Variants in FOXJ3 observed in about 807,000 individuals in gnomAD.
The protein encoded by FOXJ3 is forkhead box protein J3.
FOXJ3 carries 22 observed loss-of-function variants against 76.1 expected under a neutral mutation model. That is an observed-to-expected ratio of 0.29 (90% CI 0.21 to 0.41). The LOEUF (loss-of-function observed/expected upper bound fraction) is 0.41. FOXJ3 is among the 10% of genes least tolerant of loss of function. The pLI, the probability that FOXJ3 is intolerant of heterozygous loss-of-function variation, is 1.00. For synonymous variants in FOXJ3, 269 were observed against 261.2 expected (o/e 1.03, Z -0.29); for missense variants, 613 against 762.1 (o/e 0.80, Z 2.30).
At chr1:42,264,416 A>G (rs1651313427) in intron 4 of FOXJ3, among the ~76,000 whole-genome samples, 1 of 152,172 alleles carries the variant, frequency 6.6e-6, no homozygotes, top group Non-Finnish European at 1.5e-5. Context: ...TTCTTCCAAA[A>G]TCAGTTAGCC....
chr1:42,221,267 C>A (rs1161603195), intron 5 of FOXJ3, among the ~76,000 whole-genome samples: 2 of 152,020 alleles, frequency 1.3e-5, no homozygotes, highest in Non-Finnish European at 2.9e-5. Flanking sequence ...CCTGAAACAG[C>A]CTCACACACA....
chr1:42,243,455 A>T (rs1403093380), intron 4 of FOXJ3, among the ~76,000 whole-genome samples: 1 of 152,230 alleles, frequency 6.6e-6, no homozygotes, highest in African/African-American at 2.4e-5. Context: ...TTTTCCACTT[A>T]AAAGGTACAG....
In FOXJ3 at chr1:42,214,179, A is replaced by C. The variant is rs190282231; in HGVS notation, c.529-8316T>G. Among the ~76,000 whole-genome samples the C allele has an allele frequency of 4.1e-3, 631 of 152,324 alleles. 3 individuals carry two copies. The highest frequency in any genetic ancestry group is 0.014 in the African/African-American group (588 of 41,562). ...CAAAACAGTAAATTAAACAAACAAA[A>C]AAAAAGCTTTTAATTATTTTTTCAT... On this transcript the variant is annotated intron_variant, in intron 5 of 12. Coordinates refer to ENST00000361346, the MANE Select transcript of FOXJ3 (RefSeq NM_014947.5).
At chr1:42,212,256 A>G (rs1377190660) in intron 5 of FOXJ3, among the ~76,000 whole-genome samples, 1 of 152,246 alleles carries the variant, frequency 6.6e-6, no homozygotes, top group Non-Finnish European at 1.5e-5. Flanking sequence ...TTCAATAATA[A>G]CATAATTCAA....
chr1:42,334,716 G>A (rs1486874422), intron 1 of FOXJ3, among the ~76,000 whole-genome samples: 1 of 152,098 alleles, frequency 6.6e-6, no homozygotes, highest in African/African-American at 2.4e-5. Context: ...GGAAGGAGAC[G>A]GTCGCTGCCC....
chr1:42,189,306 G>C lies in FOXJ3; in HGVS notation c.1450C>G (p.Gln484Glu), dbSNP rs745541992. Residue 484 changes from glutamine (Q) to glutamate (E), a missense_variant, in exon 10 of 13, where the codon CAA becomes GAA. Physicochemically the swap from Gln to Glu is conservative, Grantham distance 29. Transcript: ENST00000361346. ...NWSDVDLSQF[Q>E]GLMESMRQAD... is the part of the protein sequence containing the mutation. ...GTCAAAAAGAACCAACACTCACCTT[G>C]AAACTGTGAAAGGTCTACATCTGAC... is the stretch of plus-strand genomic sequence containing the variant. The C allele has an allele frequency of 6.2e-7, 1 of 1,602,220 alleles. No homozygotes were observed. The highest frequency in any genetic ancestry group is 1.7e-5 in the Admixed American group (1 of 59,974).
intron 2 of FOXJ3, among the ~76,000 whole-genome samples, chr1:42,301,677 G>T (rs1265403807): frequency 6.6e-6 from 1 of 152,094 alleles, no homozygotes; most frequent in Middle Eastern, 3.4e-3. Context: ...AGATGTTTGG[G>T]TTTATTTTTA....
At chr1:42,329,838 A>T (rs1203995517) in intron 1 of FOXJ3, among the ~76,000 whole-genome samples, 1 of 152,224 alleles carries the variant, frequency 6.6e-6, no homozygotes, top group African/African-American at 2.4e-5. Context: ...TTCAAAATCA[A>T]ATCTTCATAT....
At chr1:42,181,867 A>G (rs781751297) in intron 12 of FOXJ3, 50 bp downstream of exon 12, 2 of 335,932 alleles carry the variant, frequency 6.0e-6, no homozygotes, top group East Asian at 8.5e-5. Context: ...TGGAGTGCTC[A>G]CACACACACA....
intron 4 of FOXJ3, among the ~76,000 whole-genome samples, chr1:42,242,431 A>G (rs1332779014): frequency 6.6e-6 from 1 of 152,022 alleles, no homozygotes; most frequent in African/African-American, 2.4e-5. Context: ...AGAACCAAAA[A>G]CAGATCCTGG....
At chr1:42,325,739 T>A (rs1655794876) in intron 1 of FOXJ3, among the ~76,000 whole-genome samples, 2 of 152,240 alleles carry the variant, frequency 1.3e-5, no homozygotes, top group South Asian at 4.1e-4. Flanking sequence ...GATAAATAAT[T>A]ACTGTAAGTA....
At chr1:42,194,144 G>T (rs1196025116) in intron 8 of FOXJ3, among the ~76,000 whole-genome samples, 1 of 152,148 alleles carries the variant, frequency 6.6e-6, no homozygotes, top group Non-Finnish European at 1.5e-5. Flanking sequence ...ATAAAACATG[G>T]GGTGTAAATA....
chr1:42,189,151 T>C (rs1569787248), intron 10 of FOXJ3, 152 bp downstream of exon 10: 2 of 658,762 alleles, frequency 3.0e-6, no homozygotes, highest in Admixed American at 6.0e-5. Context: ...CCCTCTGCTA[T>C]ACCAAGTGGC....
At chr1:42,205,000 AAG>A (rs1040335561) in intron 6 of FOXJ3, among the ~76,000 whole-genome samples, 2 of 152,130 alleles carry the variant, frequency 1.3e-5, no homozygotes, top group African/African-American at 4.8e-5. Context: ...GAGAGAAAAA[AAG>A]AGGGTGAAAG....
At chr1:42,326,005 A>G (rs1655807281) in intron 1 of FOXJ3, among the ~76,000 whole-genome samples, 1 of 152,186 alleles carries the variant, frequency 6.6e-6, no homozygotes, top group Non-Finnish European at 1.5e-5. Flanking sequence ...TTACACCTGT[A>G]ATCCCAGCAC....
At chr1:42,182,416 C>G (rs1266304297) in intron 11 of FOXJ3, among the ~76,000 whole-genome samples, 1 of 152,188 alleles carries the variant, frequency 6.6e-6, no homozygotes, top group Non-Finnish European at 1.5e-5. Context: ...GATGAGGCAA[C>G]TGAAACTCAG....
At chr1:42,221,395 A>C (rs1214590065) in intron 5 of FOXJ3, among the ~76,000 whole-genome samples, 2 of 152,214 alleles carry the variant, frequency 1.3e-5, no homozygotes, top group African/African-American at 2.4e-5. Context: ...TGAATAGACA[A>C]GAATATGATT....
chr1:42,245,940 T>C (rs374580147), intron 4 of FOXJ3, among the ~76,000 whole-genome samples: 4 of 152,082 alleles, frequency 2.6e-5, no homozygotes, highest in Non-Finnish European at 4.4e-5. Flanking sequence ...AAAAACTCAA[T>C]GGTCCTAGGA....
chr1:42,294,330 T>C (rs1358911043), intron 2 of FOXJ3, among the ~76,000 whole-genome samples: 1 of 152,192 alleles, frequency 6.6e-6, no homozygotes, highest in Non-Finnish European at 1.5e-5. Flanking sequence ...ACTTTGTCCG[T>C]ACCAGTAATA....
Sources: gnomAD v4.1 joint callset for allele counts (sites outside exome capture counted in the v4.1 genomes callset) on GRCh38, gnomAD v4.1.1 for gene constraint, MANE v1.5 for transcripts, NCBI Gene and HGNC (gene_info 2026-07-23, HGNC 2026-07-21) for gene names.